PLEKHA7: variants seen among roughly 807,000 people sequenced by gnomAD.
PLEKHA7 encodes the protein pleckstrin homology domain-containing family A member 7.
Under a neutral mutation model 170.0 loss-of-function variants are expected in PLEKHA7, and 104 were observed. The observed-to-expected ratio is 0.61, with a 90% CI of 0.52 to 0.72. The LOEUF (loss-of-function observed/expected upper bound fraction) is 0.72. Among genes scored for constraint, PLEKHA7 ranks in the 30% least tolerant of loss-of-function variants. The pLI is 0.00. For missense variants in PLEKHA7, 1,615 were observed against 1,671.7 expected (o/e 0.97, Z 0.59); for synonymous variants, 648 against 660.8 (o/e 0.98, Z 0.30).
intron 3 of PLEKHA7, among the ~76,000 whole-genome samples, chr11:16,915,740 A>G: frequency 6.6e-6 from 1 of 150,734 alleles, no homozygotes; most frequent in African/African-American, 2.4e-5. Context: ...TATGTGCCAC[A>G]TTTTCTTAAT....
At chr11:16,800,878 A>T in intron 17 of PLEKHA7, 96 bp downstream of exon 17, 1 of 1,011,322 alleles carries the variant, frequency 9.9e-7, no homozygotes, top group Non-Finnish European at 1.5e-6. Context: ...GACTCTGAGC[A>T]GTGCTCACAA....
intron 3 of PLEKHA7, among the ~76,000 whole-genome samples, chr11:16,883,542 T>C (rs1330547244): frequency 6.6e-6 from 1 of 152,222 alleles, no homozygotes; most frequent in Non-Finnish European, 1.5e-5. Flanking sequence ...TACTCTTGGC[T>C]TCTGTCAACT....
intron 3 of PLEKHA7, among the ~76,000 whole-genome samples, chr11:16,946,458 G>GA (rs1312056690): frequency 2.6e-5 from 4 of 152,300 alleles, no homozygotes; most frequent in African/African-American, 9.6e-5. Context: ...GGGGGACTTT[G>GA]AAATTGGTCA....
intron 9 of PLEKHA7, among the ~76,000 whole-genome samples, chr11:16,837,768 G>C (rs1851628881): frequency 6.6e-6 from 1 of 152,102 alleles, no homozygotes; most frequent in Non-Finnish European, 1.5e-5. Context: ...CCAGCTTCTG[G>C]GTTTAATTCC....
At chr11:16,886,249 C>T (rs968912765) in intron 3 of PLEKHA7, among the ~76,000 whole-genome samples, 6 of 152,178 alleles carry the variant, frequency 3.9e-5, no homozygotes, top group African/African-American at 1.4e-4. Context: ...CCTCTCCCAA[C>T]TTGAAAAATA....
chr11:17,009,795 AT>A (rs915670483), intron 3 of PLEKHA7, among the ~76,000 whole-genome samples: 6 of 151,732 alleles, frequency 4.0e-5, no homozygotes, highest in Non-Finnish European at 8.8e-5. Context: ...ACCACCATTA[AT>A]TTTTTCATTT....
intron 3 of PLEKHA7, among the ~76,000 whole-genome samples, chr11:16,923,119 T>C (rs1859221015): frequency 6.6e-6 from 1 of 152,168 alleles, no homozygotes; most frequent in Non-Finnish European, 1.5e-5. Flanking sequence ...GGGACCCCGC[T>C]ACCCACCTAC....
rs540363836 is a variant in PLEKHA7, at chr11:16,849,263, C to G, written c.696+1928G>C. Among the ~76,000 whole-genome samples, 11 of 152,256 alleles carry G rather than the reference C, an allele frequency of 7.2e-5. No homozygotes were observed. In the East Asian group the frequency reaches 2.1e-3, roughly 29 times the overall value. On this transcript the variant is annotated intron_variant, in intron 8 of 26. Transcript: ENST00000531066. Reference sequence around the variant, plus strand: ...GTTTGCCTAGAATCTACTTTCACACCTCCAATGAAGTGTTAAGATAAAAAT... The same window carrying G: ...GTTTGCCTAGAATCTACTTTCACACGTCCAATGAAGTGTTAAGATAAAAAT...
intron 8 of PLEKHA7, among the ~76,000 whole-genome samples, chr11:16,847,090 C>CTTTTTTTTTT (rs59132787): frequency 4.2e-5 from 3 of 70,814 alleles, no homozygotes; most frequent in African/African-American, 1.0e-4. Context: ...TTTTTTTTTT[C>CTTTTTTTTTT]TTTTTTTTTT....
intron 3 of PLEKHA7, among the ~76,000 whole-genome samples, chr11:16,900,614 T>C (rs1023583822): frequency 6.6e-6 from 1 of 152,144 alleles, no homozygotes; most frequent in Non-Finnish European, 1.5e-5. Context: ...CAAAATTGTA[T>C]ACAACATTGT....
chr11:17,014,248 G>A, intron 1 of PLEKHA7, 47 bp from the exon 2 acceptor site: 3 of 1,407,392 alleles, frequency 2.1e-6, no homozygotes, highest in East Asian at 3.0e-5. Context: ...AGCCCGCCGG[G>A]TGCCCGCCCG....
intron 3 of PLEKHA7, among the ~76,000 whole-genome samples, chr11:16,902,001 C>A (rs1442720064): frequency 6.6e-6 from 1 of 152,206 alleles, no homozygotes; most frequent in Non-Finnish European, 1.5e-5. Context: ...GCGATCACCC[C>A]AGCTCCAGCC....
In PLEKHA7 at chr11:16,941,026, C is replaced by T. The variant is rs577083943; in HGVS notation, c.222-69844G>A. ...GAAGATGTGGCATGTCTTTCTCCAA[C>T]TCAACCCTAGCACTTACCTCCAAGA... On this transcript the variant is annotated intron_variant, in intron 3 of 26. Coordinates refer to ENST00000531066, the MANE Select transcript of PLEKHA7 (RefSeq NM_001329630.2). Among the ~76,000 whole-genome samples, 35 of 152,320 alleles carry T rather than the reference C, an allele frequency of 2.3e-4. No individual in the cohort carries two copies. The East Asian group carries it at 6.0e-3, about 26-fold the overall frequency.
At chr11:16,910,603 C>T (rs894352835) in intron 3 of PLEKHA7, among the ~76,000 whole-genome samples, 3 of 152,180 alleles carry the variant, frequency 2.0e-5, no homozygotes, top group African/African-American at 7.2e-5. Flanking sequence ...GCAACTGGGA[C>T]AATTTTGCCC....
intron 3 of PLEKHA7, among the ~76,000 whole-genome samples, chr11:16,927,994 G>A (rs1029092692): frequency 2.0e-5 from 3 of 152,080 alleles, no homozygotes; most frequent in Non-Finnish European, 2.9e-5. Context: ...GAGGGGGAAG[G>A]GGGGGTCTGT....
At chr11:16,860,414 T>C (rs11024060) in intron 4 of PLEKHA7, among the ~76,000 whole-genome samples, 68,036 of 151,826 alleles carry the variant, frequency 0.45, 16,670 homozygotes, top group East Asian at 0.65. Flanking sequence ...TGAGCTGAAG[T>C]AGAATGAAGG....
intron 3 of PLEKHA7, among the ~76,000 whole-genome samples, chr11:16,899,684 G>A (rs1300851004): frequency 3.9e-5 from 6 of 152,146 alleles, no homozygotes; most frequent in Admixed American, 2.6e-4. Flanking sequence ...CTGAAGGCCC[G>A]CTATGTCTCA....
At chr11:16,995,987 T>C (rs1864316135) in intron 3 of PLEKHA7, among the ~76,000 whole-genome samples, 1 of 152,136 alleles carries the variant, frequency 6.6e-6, no homozygotes, top group African/African-American at 2.4e-5. Context: ...GTACGCTCTG[T>C]GTATATCAGA....
chr11:16,834,819 G>C (rs1038064774), intron 9 of PLEKHA7, among the ~76,000 whole-genome samples: 1 of 152,138 alleles, frequency 6.6e-6, no homozygotes, highest in Admixed American at 6.5e-5. Context: ...GAATATGGAC[G>C]TGAGGCAGAA....
Sources: gnomAD v4.1 joint callset for allele counts (sites outside exome capture counted in the v4.1 genomes callset) on GRCh38, gnomAD v4.1.1 for gene constraint, MANE v1.5 for transcripts, NCBI Gene and HGNC (gene_info 2026-07-23, HGNC 2026-07-21) for gene names.